Variants in KCNH7 observed in about 807,000 individuals in gnomAD.
KCNH7 encodes the protein potassium voltage-gated channel subfamily H member 7.
Under a neutral mutation model 120.8 loss-of-function variants are expected in KCNH7, and 49 were observed. The ratio of observed to expected loss-of-function variants is 0.41; its 90% CI spans 0.32 to 0.51. KCNH7 has a LOEUF of 0.51. Ranked by LOEUF, KCNH7 falls within the 20% of genes least tolerant of loss-of-function variation. The pLI is 0.38. For synonymous variants in KCNH7, 547 were observed against 516.1 expected, an observed-to-expected ratio of 1.06 and a Z score of -0.81; for missense variants, 1,097 against 1,446.6, an observed-to-expected ratio of 0.76 and a Z score of 3.92.
At chr2:162,456,331 GAAATTATAATTTATACATTATAC>G (rs562044080) in intron 6 of KCNH7, among the ~76,000 whole-genome samples, 2,209 of 151,946 alleles carry the variant, frequency 0.015, 35 homozygotes, top group Non-Finnish European at 0.023. Context: ...ATACATAATG[GAAATTATAATTTATACATTATAC>G]AAATTATAAT....
At chr2:162,388,909 A>C (rs1445236554) in intron 12 of KCNH7, among the ~76,000 whole-genome samples, 2 of 151,918 alleles carry the variant, frequency 1.3e-5, no homozygotes, top group Admixed American at 6.6e-5. Flanking sequence ...TTTCCTGTGG[A>C]GTATATATCG....
intron 2 of KCNH7, among the ~76,000 whole-genome samples, chr2:162,637,342 A>G (rs962515298): frequency 1.3e-5 from 2 of 152,058 alleles, no homozygotes; most frequent in African/African-American, 4.8e-5. Context: ...TGCTTGGCAG[A>G]CTATCCCCTG....
chr2:162,715,423 C>T (rs543632050), intron 2 of KCNH7, among the ~76,000 whole-genome samples: 111 of 152,260 alleles, frequency 7.3e-4, no homozygotes, highest in African/African-American at 2.5e-3. Flanking sequence ...TCAGATAATA[C>T]AATTCATCAT....
intron 2 of KCNH7, among the ~76,000 whole-genome samples, chr2:162,789,835 A>T (rs1013467225): frequency 1.3e-5 from 2 of 152,016 alleles, no homozygotes; most frequent in Admixed American, 6.6e-5. Context: ...ATCTTATGGG[A>T]TATAGCAAAA....
At chr2:162,645,451 C>T (rs1272101611) in intron 2 of KCNH7, among the ~76,000 whole-genome samples, 1 of 152,002 alleles carries the variant, frequency 6.6e-6, no homozygotes. Context: ...TGGCCTATTA[C>T]AAAATGTAAT....
chr2:162,548,791 G>T (rs143251920), intron 2 of KCNH7, among the ~76,000 whole-genome samples: 11 of 152,276 alleles, frequency 7.2e-5, no homozygotes, highest in African/African-American at 2.2e-4. Context: ...GGATATGATA[G>T]TGTTACCCAC....
intron 2 of KCNH7, among the ~76,000 whole-genome samples, chr2:162,621,521 T>C (rs900033087): frequency 2.0e-5 from 3 of 152,100 alleles, no homozygotes; most frequent in Admixed American, 2.0e-4. Context: ...AATTTACGCT[T>C]CATCCATTTT....
intron 6 of KCNH7, among the ~76,000 whole-genome samples, chr2:162,472,645 T>C (rs1020851541): frequency 6.6e-6 from 1 of 152,196 alleles, no homozygotes; most frequent in African/African-American, 2.4e-5. Context: ...TTGGTGGGAC[T>C]GTAAACTAGT....
At chr2:162,512,194 C>T (rs1409725879) in intron 5 of KCNH7, among the ~76,000 whole-genome samples, 1 of 151,630 alleles carries the variant, frequency 6.6e-6, no homozygotes, top group South Asian at 2.1e-4. Context: ...AAGCTGAAAA[C>T]CATACCCCCT....
In KCNH7 at chr2:162,639,006, T is replaced by A. The variant is rs751565635; in HGVS notation, c.308-101926A>T. On this transcript the variant is annotated intron_variant, in intron 2 of 15. Coordinates refer to ENST00000332142, the MANE Select transcript of KCNH7 (RefSeq NM_033272.4). ...ATCGGGGATGCTGTCTTGTGCATTGTAGGATGCCTAGCACAATCCTTGGCC... is the reference window on the plus strand; with the variant it reads ...ATCGGGGATGCTGTCTTGTGCATTGAAGGATGCCTAGCACAATCCTTGGCC... 2.5e-4 allele frequency among the ~76,000 whole-genome samples: 38 copies of A among 152,250 alleles called. No homozygotes were observed. In the South Asian group the frequency reaches 3.9e-3, roughly 16 times the overall value.
At chr2:162,591,557 G>C (rs868098446) in intron 2 of KCNH7, among the ~76,000 whole-genome samples, 12 of 152,020 alleles carry the variant, frequency 7.9e-5, no homozygotes, top group African/African-American at 2.9e-4. Flanking sequence ...TACCTTCATA[G>C]TGGTGCAATT....
At chr2:162,590,592 C>G (rs1694177830) in intron 2 of KCNH7, among the ~76,000 whole-genome samples, 2 of 152,104 alleles carry the variant, frequency 1.3e-5, no homozygotes, top group Admixed American at 1.3e-4. Context: ...TCCTCATGCT[C>G]AAGACAAATA....
intron 12 of KCNH7, among the ~76,000 whole-genome samples, chr2:162,390,383 A>G (rs912317551): frequency 5.9e-5 from 9 of 151,746 alleles, no homozygotes; most frequent in African/African-American, 2.2e-4. Context: ...TACAGTGAAC[A>G]CAACATAAAA....
chr2:162,577,001 T>A (rs1319871375), intron 2 of KCNH7, among the ~76,000 whole-genome samples: 1 of 151,924 alleles, frequency 6.6e-6, no homozygotes, highest in Admixed American at 6.6e-5. Flanking sequence ...AGGCTTGAAC[T>A]CTTGGGCTCA....
At position 162,426,511 on chromosome 2, in the gene KCNH7, TCC is replaced by T. The variant is rs550049089; in HGVS notation, c.1955-2978_1955-2977del. Among the ~76,000 whole-genome samples, 76 of 152,264 alleles carry T rather than the reference TCC, an allele frequency of 5.0e-4. 1 individual carries two copies. In the East Asian group the frequency reaches 0.012, roughly 23 times the overall value. ...TATAAAATAGGGAGTTCTTTTTTCA[TCC>T]AAATGGTTTGCTTTAGTTTAGGTAT... is the stretch of plus-strand genomic sequence containing the variant. On this transcript the variant is annotated intron_variant, in intron 8 of 15. Transcript: ENST00000332142.
intron 2 of KCNH7, chr2:162,797,569 T>A (rs1385631568): frequency 6.6e-6 from 1 of 151,994 alleles, no homozygotes; most frequent in South Asian, 2.1e-4. Context: ...AAGAATGAAA[T>A]ATAACTATAG....
intron 2 of KCNH7, among the ~76,000 whole-genome samples, chr2:162,578,600 G>A (rs1468483112): frequency 6.6e-6 from 1 of 151,988 alleles, no homozygotes; most frequent in African/African-American, 2.4e-5. Context: ...AGATGACAGT[G>A]AAAAAGAAAA....
At chr2:162,760,137 A>G (rs891622277) in intron 2 of KCNH7, among the ~76,000 whole-genome samples, 1 of 152,130 alleles carries the variant, frequency 6.6e-6, no homozygotes, top group Non-Finnish European at 1.5e-5. Flanking sequence ...TTTATCTTCA[A>G]AAACACTTTG....
At chr2:162,837,424 T>C (rs1446752492) in intron 1 of KCNH7, among the ~76,000 whole-genome samples, 1 of 152,222 alleles carries the variant, frequency 6.6e-6, no homozygotes, top group Non-Finnish European at 1.5e-5. Flanking sequence ...ACTTTTACTT[T>C]GGGAGATCCT....
Sources: allele counts gnomAD v4.1 joint callset (sites outside exome capture counted in the v4.1 genomes callset), GRCh38; gene constraint gnomAD v4.1.1; transcripts MANE v1.5; gene names NCBI Gene and HGNC (gene_info 2026-07-23, HGNC 2026-07-21).